GNAI1: variants seen among roughly 807,000 people sequenced by gnomAD.
GNAI1 encodes guanine nucleotide-binding protein G(i) subunit alpha-1.
In GNAI1, 11 loss-of-function variants were observed where a neutral mutation model predicts 38.9. That is an observed-to-expected ratio of 0.28 (90% confidence interval 0.18 to 0.47). The LOEUF is 0.47. Among genes scored for constraint, GNAI1 ranks in the 20% least tolerant of loss-of-function variants. The probability of loss-of-function intolerance (pLI) is 0.99; values close to 1 mark genes in which losing one functional copy is unlikely to be tolerated. For synonymous variants in GNAI1, 166 were observed against 145.1 expected (o/e 1.14, Z -1.04); for missense variants, 317 against 436.9 (o/e 0.73, Z 2.45).
chr7:80,144,682 A>T (rs1224506252), intron 1 of GNAI1, among the ~76,000 whole-genome samples: 1 of 152,118 alleles, frequency 6.6e-6, no homozygotes, highest in East Asian at 1.9e-4. Flanking sequence ...AAGGCTTACT[A>T]ATTTTGTTCT....
At chr7:80,140,024 C>T (rs1298270345) in intron 1 of GNAI1, among the ~76,000 whole-genome samples, 1 of 148,810 alleles carries the variant, frequency 6.7e-6, no homozygotes, top group Non-Finnish European at 1.5e-5. Context: ...TGCTCTGTCG[C>T]CCAGGCTGGA....
chr7:80,215,935 T>C (rs1399659471), intron 7 of GNAI1, among the ~76,000 whole-genome samples: 1 of 152,080 alleles, frequency 6.6e-6, no homozygotes, highest in Admixed American at 6.6e-5. Context: ...CCTCACGACA[T>C]GGACCTGGGG....
chr7:80,136,541 T>G (rs930708075), intron 1 of GNAI1, among the ~76,000 whole-genome samples: 1 of 152,210 alleles, frequency 6.6e-6, no homozygotes, highest in Non-Finnish European at 1.5e-5. Context: ...CTTTGCATTT[T>G]AAAGACCTGG....
At chr7:80,200,345 AAAC>A (rs1418095062) in intron 4 of GNAI1, among the ~76,000 whole-genome samples, 6 of 150,750 alleles carry the variant, frequency 4.0e-5, no homozygotes, top group African/African-American at 1.5e-4. Context: ...AAAAAAAAAA[AAAC>A]CTAATCAGGG....
intron 1 of GNAI1, among the ~76,000 whole-genome samples, chr7:80,172,887 G>A (rs1270765967): frequency 6.6e-6 from 1 of 152,152 alleles, no homozygotes; most frequent in Admixed American, 6.5e-5. Context: ...ACGTAAAGAT[G>A]GAACCGAGGG....
chr7:80,161,064 T>G (rs375032066), intron 1 of GNAI1, among the ~76,000 whole-genome samples: 48 of 152,184 alleles, frequency 3.2e-4, no homozygotes, highest in African/African-American at 1.1e-3. Flanking sequence ...AAGTGAATTG[T>G]GAATCCTCAA....
chr7:80,207,274 A>G (rs1444973021), intron 5 of GNAI1, among the ~76,000 whole-genome samples: 1 of 151,964 alleles, frequency 6.6e-6, no homozygotes, highest in African/African-American at 2.4e-5. Context: ...ACTATATAAA[A>G]TTCACTTTTC....
chr7:80,170,558 G>A (rs1788083933), intron 1 of GNAI1, among the ~76,000 whole-genome samples: 1 of 152,158 alleles, frequency 6.6e-6, no homozygotes, highest in African/African-American at 2.4e-5. Context: ...TCTGCAGGCA[G>A]TACAAGAAGC....
At chr7:80,190,369 TATC>T (rs556823270) in intron 3 of GNAI1, among the ~76,000 whole-genome samples, 74 of 152,170 alleles carry the variant, frequency 4.9e-4, no homozygotes, top group African/African-American at 1.6e-3. Context: ...TAGATTTCAA[TATC>T]ATTTTAAATA....
rs1788995495 is a variant in GNAI1, at chr7:80,217,555, G to A, written c.*62G>A. On this transcript the variant is annotated 3_prime_UTR_variant, in exon 8 of 8. Coordinates refer to ENST00000649796, the MANE Select transcript of GNAI1 (RefSeq NM_002069.6). ...AATGAGTACTTATATATGGATCTCT[G>A]TAGACTAGAGTCTTGCAGCAACACA... 2.3e-6 allele frequency: 2 copies of A among 856,140 alleles called. No homozygotes were observed. The highest frequency in any genetic ancestry group is 5.3e-5 in the East Asian group (2 of 37,658). 53.0% of individuals were successfully genotyped at this position (856,140 alleles called of 1,614,324 possible). A position where few individuals can be genotyped will look rare whatever the true frequency, so the allele number is the denominator to read the frequency against.
chr7:80,176,880 T>C (rs1053666060), intron 1 of GNAI1, among the ~76,000 whole-genome samples: 4 of 135,292 alleles, frequency 3.0e-5, no homozygotes, highest in South Asian at 2.3e-4. Flanking sequence ...GAGGCTGCAG[T>C]GAGCTGAGAT....
chr7:80,180,024 G>A (rs557130959), intron 1 of GNAI1, among the ~76,000 whole-genome samples: 15 of 152,208 alleles, frequency 9.9e-5, no homozygotes, highest in African/African-American at 2.4e-4. Context: ...CTGTGACTCC[G>A]CTCACAAATG....
At position 80,134,993 on chromosome 7, in the gene GNAI1, C is replaced by G. The variant is rs1787381626; in HGVS notation, c.-168C>G. ...GAACAGCCGCCCGTTGCTGTCTGCC[C>G]CTTTGCGGACAGCGTCTCCCTCGAC... On this transcript the variant is annotated 5_prime_UTR_variant, in exon 1 of 8. Transcript: ENST00000649796. 2.4e-6 allele frequency: 1 copy of G among 421,304 alleles called. No individual in the cohort carries two copies. The highest frequency in any genetic ancestry group is 4.4e-5 in the Admixed American group (1 of 22,984). 26.1% of individuals were successfully genotyped at this position (421,304 alleles called of 1,614,324 possible). A position where few individuals can be genotyped will look rare whatever the true frequency, so the allele number is the denominator to read the frequency against.
At chr7:80,213,853 T>TA (rs71518975) in intron 7 of GNAI1, among the ~76,000 whole-genome samples, 2 of 150,088 alleles carry the variant, frequency 1.3e-5, no homozygotes, top group Admixed American at 6.7e-5. Flanking sequence ...TTTTTTTTTT[T>TA]AAAAGTCTCA....
chr7:80,196,104 G>A (rs17153557), intron 3 of GNAI1, among the ~76,000 whole-genome samples: 9,665 of 151,926 alleles, frequency 0.064, 1,063 homozygotes, highest in African/African-American at 0.22. Context: ...CCTGACCACC[G>A]CTTGGAATGA....
chr7:80,190,821 A>G (rs1788467862), intron 3 of GNAI1, among the ~76,000 whole-genome samples: 1 of 152,152 alleles, frequency 6.6e-6, no homozygotes, highest in Non-Finnish European at 1.5e-5. Context: ...AAGGGTCAAT[A>G]CAAACAGTTT....
chr7:80,207,889 T>C (rs1788801806), intron 5 of GNAI1, among the ~76,000 whole-genome samples: 1 of 152,160 alleles, frequency 6.6e-6, no homozygotes, highest in Non-Finnish European at 1.5e-5. Context: ...TTTGCTTTAA[T>C]TAAAGAATCA....
chr7:80,139,909 ATTTTTTTTTTTT>A (rs71076501), intron 1 of GNAI1, among the ~76,000 whole-genome samples: 2 of 121,698 alleles, frequency 1.6e-5, no homozygotes, highest in Admixed American at 8.2e-5. Context: ...TTGCCCTGCA[ATTTTTTTTTTTT>A]TTTTTTTTTT....
At position 80,224,976 on chromosome 7, in the gene GNAI1, A is replaced by G. The variant is rs887872715; in HGVS notation, c.*7483A>G. Among the ~76,000 whole-genome samples, 1 of 152,312 alleles carries G rather than the reference A, an allele frequency of 6.6e-6. No individual in the cohort carries two copies. The highest frequency in any genetic ancestry group is 1.9e-4 in the East Asian group (1 of 5,184). On this transcript the variant is annotated 3_prime_UTR_variant, in exon 8 of 8. Coordinates refer to ENST00000649796, the MANE Select transcript of GNAI1 (RefSeq NM_002069.6). ...TGAAATGCTTTATTTTTCTTCCACAACAACTCTATTTGCATTGCATGGAAA... is the reference window on the plus strand; with the variant it reads ...TGAAATGCTTTATTTTTCTTCCACAGCAACTCTATTTGCATTGCATGGAAA...
Sources: allele counts gnomAD v4.1 joint callset (sites outside exome capture counted in the v4.1 genomes callset), GRCh38; gene constraint gnomAD v4.1.1; transcripts MANE v1.5; gene names NCBI Gene and HGNC (gene_info 2026-07-23, HGNC 2026-07-21).